Variants in C1RL observed in about 807,000 individuals in gnomAD.
C1RL encodes complement C1r subcomponent like.
In C1RL, 27 loss-of-function variants were observed where a neutral mutation model predicts 27.9. The ratio of observed to expected loss-of-function variants is 0.97; its 90% confidence interval spans 0.71 to 1.33. The LOEUF (loss-of-function observed/expected upper bound fraction) is 1.33, where lower values mean the gene tolerates loss of function less well. C1RL is among the 40% of genes most tolerant of loss of function. The pLI is 0.00. For synonymous variants in C1RL, 248 were observed against 252.1 expected (o/e 0.98, Z 0.15); for missense variants, 563 against 623.9 (o/e 0.90, Z 1.04).
At chr12:7,108,771 G>T (rs558755840) in intron 1 of C1RL, 1 of 556,154 alleles carries the variant, frequency 1.8e-6, no homozygotes. Context: ...AAGGAGGGGG[G>T]TGCTTTCTGC....
chr12:7,094,556 T>C lies in C1RL; in HGVS notation c.*1835A>G, dbSNP rs1002956422. The C allele has an allele frequency of 9.4e-5, 51 of 544,940 alleles. No individual in the cohort carries two copies. The highest frequency in any genetic ancestry group is 1.1e-4 in the Non-Finnish European group (51 of 452,886). 33.8% of individuals were successfully genotyped at this position (544,940 alleles called of 1,614,324 possible). A position where few individuals can be genotyped will look rare whatever the true frequency, so the allele number is the denominator to read the frequency against. On this transcript the variant is annotated 3_prime_UTR_variant, in exon 6 of 6. Transcript: ENST00000266542. Reference sequence around the variant, plus strand: ...AGATCTAGACATACACATATAAATATAGGTATATATATATTTTTTTGCCTT... The same window carrying C: ...AGATCTAGACATACACATATAAATACAGGTATATATATATTTTTTTGCCTT...
Position 7,097,159 on chromosome 12 carries a change from G to T in C1RL, c.696C>A (p.Cys232Ter), listed in dbSNP as rs1292393361. 5.0e-6 allele frequency: 8 copies of T among 1,600,870 alleles called. No individual in the cohort carries two copies. The East Asian group carries it at 8.9e-5, about 18-fold the overall frequency. The change falls in exon 6 of 6, where the codon TGC becomes TGA. Residue 232 changes from cysteine to a stop codon, truncating the protein, a stop_gained. Coordinates refer to ENST00000266542, the MANE Select transcript of C1RL (RefSeq NM_016546.4). LOFTEE classifies it low-confidence loss of function (END_TRUNC). The part of the protein sequence containing the change: ...GEEVLQCMPV[C>*]GRPVTPIAQN... ...GGGCAATGGGGGTGACTGGCCGTCC[G>T]CAGACTGGGAGAGAGGCGGGGTAGG...
chr12:7,098,753 C>A (rs1350456664), intron 5 of C1RL, among the ~76,000 whole-genome samples: 2 of 152,118 alleles, frequency 1.3e-5, no homozygotes, highest in African/African-American at 4.8e-5. Context: ...TCCATAAAGG[C>A]AAATCCATAG....
At chr12:7,097,574 G>A (rs147687595) in intron 5 of C1RL, among the ~76,000 whole-genome samples, 88 of 152,246 alleles carry the variant, frequency 5.8e-4, no homozygotes, top group African/African-American at 1.7e-3. Flanking sequence ...GAGGCACCGC[G>A]CCTGGCCGGG....
Position 7,108,372 on chromosome 12 carries a change from G to A in C1RL, c.179C>T (p.Pro60Leu). Residue 60 changes from proline (P) to leucine (L), a missense_variant, in exon 2 of 6, where the codon CCG becomes CTG. Pro to Leu is a moderately conservative substitution (Grantham distance 98). Transcript: ENST00000266542. The part of the protein sequence containing the change: ...QQLTSPGYPE[P>L]YGKGQESSTD... The stretch of plus-strand genomic sequence containing the variant: ...GCTGCTCTCTTGGCCTTTGCCATAC[G>A]GCTCTGGGTACCCGGGGGATGTCAG... The A allele has an allele frequency of 1.9e-6, 3 of 1,614,200 alleles. No homozygotes were observed. The highest frequency in any genetic ancestry group is 2.5e-6 in the Non-Finnish European group (3 of 1,180,022).
In C1RL at chr12:7,101,836, G is replaced by T. The variant is rs758440048; in HGVS notation, c.490+62C>A. 7.8e-6 allele frequency: 12 copies of T among 1,544,496 alleles called. No individual in the cohort carries two copies. In the Admixed American group the frequency reaches 1.8e-4, roughly 24 times the overall value. Reference sequence around the variant, plus strand: ...CTCAAGCTTCCACTTAAGGCTTGAAGATACCAGGGTCATGGCTGGGAACAG... The same window carrying T: ...CTCAAGCTTCCACTTAAGGCTTGAATATACCAGGGTCATGGCTGGGAACAG... On this transcript the variant is annotated intron_variant, in intron 3 of 5. Transcript: ENST00000266542.
intron 3 of C1RL, chr12:7,101,605 T>A: frequency 2.0e-6 from 1 of 504,956 alleles, no homozygotes; most frequent in Non-Finnish European, 3.6e-6. Flanking sequence ...TGAGTCATCA[T>A]TTGAAAATTT....
intron 2 of C1RL, among the ~76,000 whole-genome samples, chr12:7,103,219 C>T (rs1200131702): frequency 6.6e-6 from 1 of 152,262 alleles, no homozygotes; most frequent in East Asian, 1.9e-4. Context: ...TGGTGCTCAA[C>T]TGCTCTACTT....
Position 7,099,767 on chromosome 12 carries a change from C to T in C1RL, c.617-7G>A, listed in dbSNP as rs368118248. ...GTTGCACAGGTGAGTGCCCCTGTGGCGTAAATGAGGAGAGGCAAAGAAATA... is the reference window on the plus strand; with the variant it reads ...GTTGCACAGGTGAGTGCCCCTGTGGTGTAAATGAGGAGAGGCAAAGAAATA... On this transcript the variant is annotated splice_region_variant and splice_polypyrimidine_tract_variant and intron_variant, in intron 4 of 5. Coordinates refer to ENST00000266542, the MANE Select transcript of C1RL (RefSeq NM_016546.4). 401 of 1,591,672 alleles carry T rather than the reference C, an allele frequency of 2.5e-4. No homozygotes were observed. Among genetic ancestry groups the T allele is most frequent in the Non-Finnish European group, 3.3e-4 (381 of 1,169,972 alleles).
chr12:7,103,806 T>C (rs1208745496), intron 2 of C1RL, among the ~76,000 whole-genome samples: 1 of 152,120 alleles, frequency 6.6e-6, no homozygotes, highest in Non-Finnish European at 1.5e-5. Flanking sequence ...TTTCTGAACT[T>C]GAAGTTTCTC....
chr12:7,106,852 C>T (rs955877069), intron 2 of C1RL, among the ~76,000 whole-genome samples: 2 of 152,090 alleles, frequency 1.3e-5, no homozygotes, highest in African/African-American at 4.8e-5. Flanking sequence ...GAATATTTTA[C>T]AGTCATAATA....
rs200257444 is a variant in C1RL, at chr12:7,108,401, C to T, written c.150G>A (p.Gln50=). The change falls in exon 2 of 6, where the codon CAG becomes CAA. Residue 50 remains glutamine (Q), a synonymous_variant. Transcript: ENST00000266542. The part of the protein sequence containing the change: ...GSVLLAQELP[Q]QLTSPGYPEP... The stretch of plus-strand genomic sequence containing the variant: ...CTGGGTACCCGGGGGATGTCAGCTG[C>T]TGGGGTAGCTCTTGGGCCAAGAGGA... 6.2e-7 allele frequency: 1 copy of T among 1,614,062 alleles called. No individual in the cohort carries two copies. The highest frequency in any genetic ancestry group is 1.7e-4 in the Middle Eastern group (1 of 6,056).
intron 5 of C1RL, among the ~76,000 whole-genome samples, chr12:7,099,253 A>G (rs1042150069): frequency 2.8e-5 from 4 of 141,220 alleles, no homozygotes; most frequent in African/African-American, 1.0e-4. Context: ...AAAAAAAAAA[A>G]AGTGAGCCAC....
At chr12:7,108,554 G>GA (rs1036224613) in intron 1 of C1RL, 75 bp from the exon 2 acceptor site, 3 of 1,273,836 alleles carry the variant, frequency 2.4e-6, no homozygotes, top group African/African-American at 3.0e-5. Flanking sequence ...AGGAGCGGGG[G>GA]AGCCGCGCTA....
intron 3 of C1RL, among the ~76,000 whole-genome samples, chr12:7,100,512 C>T (rs1432333176): frequency 2.0e-5 from 3 of 152,116 alleles, no homozygotes; most frequent in Admixed American, 6.5e-5. Flanking sequence ...ATAATGAGTT[C>T]GCCAGGTGCG....
chr12:7,095,159 A>C lies in C1RL; in HGVS notation c.*1232T>G, dbSNP rs1200679127. On this transcript the variant is annotated 3_prime_UTR_variant, in exon 6 of 6. Transcript: ENST00000266542. Reference sequence around the variant, plus strand: ...GGGGATGAAGTCTTGGTCTGTCCGCAGGCTGGAGTGCAGTGGCGTGATCTT... The same window carrying C: ...GGGGATGAAGTCTTGGTCTGTCCGCCGGCTGGAGTGCAGTGGCGTGATCTT... 1.6e-6 allele frequency: 2 copies of C among 1,217,208 alleles called. No individual in the cohort carries two copies. The highest frequency in any genetic ancestry group is 2.1e-6 in the Non-Finnish European group (2 of 949,336). 75.4% of individuals were successfully genotyped at this position (1,217,208 alleles called of 1,614,324 possible). A position where few individuals can be genotyped will look rare whatever the true frequency, so the allele number is the denominator to read the frequency against.
Position 7,095,287 on chromosome 12 carries a change from TG to T in C1RL, c.*1103del. The T allele has an allele frequency of 1.2e-6, 1 of 822,388 alleles. No homozygotes were observed. Among genetic ancestry groups the T allele is most frequent in the South Asian group, 2.3e-5 (1 of 43,564 alleles). 50.9% of individuals were successfully genotyped at this position (822,388 alleles called of 1,614,324 possible). A position where few individuals can be genotyped will look rare whatever the true frequency, so the allele number is the denominator to read the frequency against. On this transcript the variant is annotated 3_prime_UTR_variant, in exon 6 of 6. Coordinates refer to ENST00000266542, the MANE Select transcript of C1RL (RefSeq NM_016546.4). The stretch of plus-strand genomic sequence containing the variant: ...CGTGTCACCACGCCCGGCTAATTTT[TG>T]TATTTTTAGTAGAGATGGGGTTTCA...
intron 5 of C1RL, 146 bp from the exon 6 acceptor site, chr12:7,097,309 T>C: frequency 1.4e-6 from 1 of 719,272 alleles, no homozygotes; most frequent in Non-Finnish European, 2.2e-6. Flanking sequence ...TGATATCGAG[T>C]TTCGCTCTTG....
intron 5 of C1RL, 118 bp from the exon 6 acceptor site, chr12:7,097,281 A>T: frequency 1.2e-6 from 1 of 805,230 alleles, no homozygotes; most frequent in East Asian, 3.1e-5. Context: ...TGGGATCAGG[A>T]CGTTTTTTTT....
Sources: gnomAD v4.1 joint callset for allele counts (sites outside exome capture counted in the v4.1 genomes callset) on GRCh38, gnomAD v4.1.1 for gene constraint, MANE v1.5 for transcripts, NCBI Gene and HGNC (gene_info 2026-07-23, HGNC 2026-07-21) for gene names.